The following NTM variants were observed in gnomAD, a reference collection of about 807,000 sequenced individuals.
The protein encoded by NTM is IgLON family member 2.
NTM carries 13 observed loss-of-function variants against 42.1 expected under a neutral mutation model. That is an observed-to-expected ratio of 0.31 (90% CI 0.20 to 0.49). The LOEUF (loss-of-function observed/expected upper bound fraction) is 0.49, where lower values mean the gene tolerates loss of function less well. NTM is among the 20% of genes least tolerant of loss of function. NTM has a pLI of 0.99. For synonymous variants in NTM, 187 were observed against 179.2 expected (o/e 1.04, Z -0.35); for missense variants, 373 against 452.8 (o/e 0.82, Z 1.60).
intron 1 of NTM, among the ~76,000 whole-genome samples, chr11:131,423,757 C>A (rs886628987): frequency 3.9e-5 from 6 of 152,136 alleles, no homozygotes; most frequent in African/African-American, 1.2e-4. Context: ...GTCAACAAAT[C>A]CAAACTGACT....
At chr11:131,480,982 C>T (rs1178393909) in intron 1 of NTM, among the ~76,000 whole-genome samples, 3 of 152,096 alleles carry the variant, frequency 2.0e-5, no homozygotes, top group Non-Finnish European at 4.4e-5. Context: ...GATGAATCCA[C>T]TGGGCACAGT....
intron 4 of NTM, among the ~76,000 whole-genome samples, chr11:132,241,428 A>T (rs1328478283): frequency 1.3e-5 from 2 of 152,214 alleles, no homozygotes; most frequent in African/African-American, 4.8e-5. Flanking sequence ...CTATACAATT[A>T]ACTGTAATAT....
At chr11:131,437,642 A>G (rs897013088) in intron 1 of NTM, among the ~76,000 whole-genome samples, 1 of 152,054 alleles carries the variant, frequency 6.6e-6, no homozygotes, top group Admixed American at 6.6e-5. Flanking sequence ...TGCTTGGTAG[A>G]TCTTCCTCCA....
In NTM at chr11:132,292,458, G is replaced by A. The variant is rs560482831; in HGVS notation, c.527-15231G>A. Among the ~76,000 whole-genome samples the A allele has an allele frequency of 3.3e-5, 5 of 152,286 alleles. No homozygotes were observed. In the East Asian group the frequency reaches 5.8e-4, roughly 18 times the overall value. ...GAGACAGGATCCTCAGCAGAGGACA[G>A]CGTGGATGGAGGGAGAGGGTGGTGA... On this transcript the variant is annotated intron_variant, in intron 4 of 8. Transcript: ENST00000683400.
chr11:131,698,624 G>A (rs765555675), intron 1 of NTM, among the ~76,000 whole-genome samples: 9 of 152,162 alleles, frequency 5.9e-5, no homozygotes, highest in Non-Finnish European at 1.3e-4. Flanking sequence ...AGAGGACTAG[G>A]AGAAAGCCAA....
chr11:131,973,253 G>A (rs2063817894), intron 2 of NTM, among the ~76,000 whole-genome samples: 1 of 152,180 alleles, frequency 6.6e-6, no homozygotes, highest in African/African-American at 2.4e-5. Context: ...TCTTCCAATA[G>A]GATACAGAGG....
chr11:132,200,828 C>A (rs952942531), intron 3 of NTM, among the ~76,000 whole-genome samples: 2 of 152,148 alleles, frequency 1.3e-5, no homozygotes, highest in African/African-American at 4.8e-5. Context: ...ACCTGAGTAT[C>A]TCTTAAGGGC....
Position 131,691,141 on chromosome 11 carries a change from C to T in NTM, c.83-220423C>T, listed in dbSNP as rs550754099. Among the ~76,000 whole-genome samples the T allele has an allele frequency of 2.6e-5, 4 of 152,274 alleles. No homozygotes were observed. The South Asian group carries it at 6.2e-4, about 24-fold the overall frequency. On this transcript the variant is annotated intron_variant, in intron 1 of 8. Coordinates refer to ENST00000683400, the MANE Select transcript of NTM (RefSeq NM_001352005.2). ...GCTGTGCTCTAAGCAAAGCCTGCAG[C>T]CCCCGGAGGGCGCACCAGGGGCCCA... is the stretch of plus-strand genomic sequence containing the variant.
intron 1 of NTM, among the ~76,000 whole-genome samples, chr11:131,749,883 A>G (rs563055213): frequency 6.6e-6 from 1 of 152,330 alleles, no homozygotes; most frequent in Non-Finnish European, 1.5e-5. Context: ...TACAGGCATC[A>G]TCGTTTTATG....
At chr11:131,793,563 T>C (rs1307821646) in intron 1 of NTM, among the ~76,000 whole-genome samples, 2 of 152,238 alleles carry the variant, frequency 1.3e-5, no homozygotes, top group Non-Finnish European at 2.9e-5. Flanking sequence ...ATAGCACCTA[T>C]GTGTTTCCAT....
chr11:131,911,701 A>G (rs1273543419), intron 2 of NTM, 53 bp downstream of exon 2: 2 of 1,597,270 alleles, frequency 1.3e-6, no homozygotes, highest in East Asian at 4.5e-5. Flanking sequence ...GGTCGGGGTA[A>G]GGGGCAGGGG....
chr11:132,203,746 A>T (rs899267762), intron 3 of NTM, among the ~76,000 whole-genome samples: 2 of 152,114 alleles, frequency 1.3e-5, no homozygotes. Flanking sequence ...CACACACACA[A>T]AAATTAGCTG....
rs180811459 is a variant in NTM, at chr11:131,754,397, G to A, written c.83-157167G>A. 8.1e-3 allele frequency among the ~76,000 whole-genome samples: 1,235 copies of A among 152,288 alleles called. 11 individuals carry two copies. Among genetic ancestry groups the A allele is most frequent in the African/African-American group, 0.027 (1,136 of 41,552 alleles). On this transcript the variant is annotated intron_variant, in intron 1 of 8. Coordinates refer to ENST00000683400, the MANE Select transcript of NTM (RefSeq NM_001352005.2). ...CCCAGCACTTTGGGAGGCCAAGGCA[G>A]GCAGATCACTTGAGGTCAGGAGTTC...
rs138326841 is a variant in NTM, at chr11:132,211,153, G to A, written c.401-869G>A. On this transcript the variant is annotated intron_variant, in intron 3 of 8. Coordinates refer to ENST00000683400, the MANE Select transcript of NTM (RefSeq NM_001352005.2). ...CTTTGGGCCTTAAGGATGGCTGCGCGTGCACTTTGATAGGCTGAGGCTGGT... is the reference window on the plus strand; with the variant it reads ...CTTTGGGCCTTAAGGATGGCTGCGCATGCACTTTGATAGGCTGAGGCTGGT... Among the ~76,000 whole-genome samples, 45 of 152,318 alleles carry A rather than the reference G, an allele frequency of 3.0e-4. No individual in the cohort carries two copies. The East Asian group carries it at 6.6e-3, about 22-fold the overall frequency.
chr11:131,569,433 A>T (rs1185597271), intron 1 of NTM, among the ~76,000 whole-genome samples: 1 of 152,146 alleles, frequency 6.6e-6, no homozygotes, highest in East Asian at 1.9e-4. Flanking sequence ...GGCGTAAGCC[A>T]CTGTGCCTGG....
At chr11:131,756,373 C>T (rs1314966135) in intron 1 of NTM, among the ~76,000 whole-genome samples, 2 of 151,916 alleles carry the variant, frequency 1.3e-5, no homozygotes, top group African/African-American at 2.4e-5. Flanking sequence ...CACTTGAGCC[C>T]GGGAGTTCAA....
intron 1 of NTM, among the ~76,000 whole-genome samples, chr11:131,583,985 A>T (rs557021223): frequency 6.6e-6 from 1 of 152,296 alleles, no homozygotes; most frequent in East Asian, 1.9e-4. Context: ...GTCTAACAAG[A>T]TGGGAACTGC....
At chr11:131,558,824 G>A (rs1187922428) in intron 1 of NTM, among the ~76,000 whole-genome samples, 2 of 152,148 alleles carry the variant, frequency 1.3e-5, no homozygotes, top group South Asian at 2.1e-4. Context: ...GCTTCATGAC[G>A]ACTGAACAGG....
At chr11:131,995,363 T>C (rs576631506) in intron 2 of NTM, among the ~76,000 whole-genome samples, 3 of 152,116 alleles carry the variant, frequency 2.0e-5, no homozygotes, top group East Asian at 3.9e-4. Flanking sequence ...AACAACGGAA[T>C]GGAAGGTTGA....
Sources: allele counts gnomAD v4.1 joint callset (sites outside exome capture counted in the v4.1 genomes callset), GRCh38; gene constraint gnomAD v4.1.1; transcripts MANE v1.5; gene names NCBI Gene and HGNC (gene_info 2026-07-23, HGNC 2026-07-21).